Variants in NXPH1 observed in about 807,000 individuals in gnomAD.
The protein encoded by NXPH1 is neurexophilin 1, also known as neurexophilin-1.
Under a neutral mutation model 23.7 loss-of-function variants are expected in NXPH1, and 5 were observed. The observed-to-expected ratio is 0.21, with a 90% CI of 0.11 to 0.44. The LOEUF is 0.44. Ranked by LOEUF, NXPH1 falls within the 20% of genes least tolerant of loss-of-function variation. The probability of loss-of-function intolerance (pLI) is 0.99; values close to 1 mark genes in which losing one functional copy is unlikely to be tolerated. For missense variants in NXPH1, 324 were observed against 321.6 expected (o/e 1.01, Z -0.06); for synonymous variants, 144 against 122.2 (o/e 1.18, Z -1.18).
intron 2 of NXPH1, among the ~76,000 whole-genome samples, chr7:8,445,938 A>C (rs993188829): frequency 2.6e-5 from 4 of 152,230 alleles, no homozygotes; most frequent in Non-Finnish European, 5.9e-5. Flanking sequence ...AATTTTAGTC[A>C]TGCGCACTCC....
At chr7:8,656,621 T>C (rs948672702) in intron 2 of NXPH1, among the ~76,000 whole-genome samples, 17 of 151,800 alleles carry the variant, frequency 1.1e-4, no homozygotes, top group African/African-American at 9.7e-5. Context: ...TATACATGTG[T>C]CATGCTGGTG....
At chr7:8,661,842 A>G (rs2115162329) in intron 2 of NXPH1, among the ~76,000 whole-genome samples, 1 of 152,180 alleles carries the variant, frequency 6.6e-6, no homozygotes, top group African/African-American at 2.4e-5. Flanking sequence ...TATGTTTCCA[A>G]ATAATGAATT....
rs533286719 is a variant in NXPH1, at chr7:8,673,372, T to C, written c.55-77636T>C. Among the ~76,000 whole-genome samples the C allele has an allele frequency of 1.1e-4, 17 of 152,312 alleles. 1 individual carries two copies. Among genetic ancestry groups the C allele is most frequent in the African/African-American group, 3.8e-4 (16 of 41,592 alleles). On this transcript the variant is annotated intron_variant, in intron 2 of 2. Coordinates refer to ENST00000405863, the MANE Select transcript of NXPH1 (RefSeq NM_152745.3). ...TTCTCAGATATAAGTTGAGGATGGA[T>C]ACCTCTGGTAATTTTCCCAAATTAG...
intron 2 of NXPH1, among the ~76,000 whole-genome samples, chr7:8,487,164 A>C (rs1817172664): frequency 6.6e-6 from 1 of 152,028 alleles, no homozygotes; most frequent in South Asian, 2.1e-4. Context: ...TTTCTCCTCA[A>C]TATGTTATCA....
Position 8,527,025 on chromosome 7 carries a change from T to C in NXPH1, c.54+91258T>C, listed in dbSNP as rs139177624. On this transcript the variant is annotated intron_variant, in intron 2 of 2. Transcript: ENST00000405863. ...TCACCAGAAATTCTCCTATAGTAAT[T>C]TCCCAGCAGAATTTGCCCCTTACCA... Among the ~76,000 whole-genome samples the C allele has an allele frequency of 4.2e-3, 617 of 145,360 alleles. 4 individuals carry two copies. Among genetic ancestry groups the C allele is most frequent in the African/African-American group, 0.015 (583 of 39,122 alleles).
At chr7:8,646,409 T>C (rs1820400817) in intron 2 of NXPH1, among the ~76,000 whole-genome samples, 1 of 152,164 alleles carries the variant, frequency 6.6e-6, no homozygotes, top group Non-Finnish European at 1.5e-5. Context: ...AATTTGTACG[T>C]AATGACAATA....
At chr7:8,720,889 C>T (rs1437231687) in intron 2 of NXPH1, among the ~76,000 whole-genome samples, 1 of 152,088 alleles carries the variant, frequency 6.6e-6, no homozygotes, top group African/African-American at 2.4e-5. Context: ...AACTGAGGGA[C>T]ATTTTACCGA....
intron 2 of NXPH1, among the ~76,000 whole-genome samples, chr7:8,526,738 G>T (rs979777130): frequency 6.6e-6 from 1 of 152,114 alleles, no homozygotes; most frequent in African/African-American, 2.4e-5. Flanking sequence ...CTCGAAAGAA[G>T]TGCCTTTTAC....
intron 2 of NXPH1, among the ~76,000 whole-genome samples, chr7:8,554,195 T>C (rs543532363): frequency 6.6e-6 from 1 of 151,752 alleles, no homozygotes; most frequent in Non-Finnish European, 1.5e-5. Context: ...ACTATGCCAA[T>C]GTTAGATACT....
intron 2 of NXPH1, among the ~76,000 whole-genome samples, chr7:8,635,839 T>G (rs1453507834): frequency 1.3e-5 from 2 of 152,196 alleles, no homozygotes; most frequent in African/African-American, 2.4e-5. Flanking sequence ...ATATATACAC[T>G]TGGATAGTTT....
At chr7:8,726,969 C>G (rs1168947885) in intron 2 of NXPH1, among the ~76,000 whole-genome samples, 1 of 148,418 alleles carries the variant, frequency 6.7e-6, no homozygotes, top group Non-Finnish European at 1.5e-5. Flanking sequence ...AAAAGTGTTC[C>G]TATTTCTCCA....
intron 2 of NXPH1, among the ~76,000 whole-genome samples, chr7:8,726,918 T>C (rs1385870805): frequency 6.6e-6 from 1 of 151,700 alleles, no homozygotes; most frequent in Non-Finnish European, 1.5e-5. Context: ...CACACTGACT[T>C]CCACAATGGT....
chr7:8,476,713 AAT>A (rs1481118265), intron 2 of NXPH1, among the ~76,000 whole-genome samples: 2 of 152,160 alleles, frequency 1.3e-5, no homozygotes, highest in Non-Finnish European at 2.9e-5. Flanking sequence ...AGATAAAAAA[AAT>A]AAAAACTGTA....
chr7:8,531,213 T>G (rs1341358281), intron 2 of NXPH1, among the ~76,000 whole-genome samples: 1 of 152,134 alleles, frequency 6.6e-6, no homozygotes, highest in East Asian at 1.9e-4. Context: ...CCTCCATAAC[T>G]ATGAGCTATT....
intron 2 of NXPH1, among the ~76,000 whole-genome samples, chr7:8,695,869 T>G (rs963566704): frequency 6.6e-6 from 1 of 152,230 alleles, no homozygotes; most frequent in Non-Finnish European, 1.5e-5. Context: ...TTCTCAGCTG[T>G]GCCCCAGTGA....
chr7:8,730,384 T>C (rs1338348464), intron 2 of NXPH1, among the ~76,000 whole-genome samples: 3 of 150,468 alleles, frequency 2.0e-5, no homozygotes, highest in Admixed American at 2.0e-4. Flanking sequence ...CCTGTCATTA[T>C]GATGTTAGCT....
intron 2 of NXPH1, among the ~76,000 whole-genome samples, chr7:8,733,245 A>G (rs578176265): frequency 2.6e-5 from 4 of 152,318 alleles, no homozygotes; most frequent in African/African-American, 4.8e-5. Flanking sequence ...TCCATGGTGT[A>G]TATGTGTCAC....
chr7:8,459,969 T>G (rs1317264600), intron 2 of NXPH1, among the ~76,000 whole-genome samples: 1 of 152,086 alleles, frequency 6.6e-6, no homozygotes, highest in Non-Finnish European at 1.5e-5. Context: ...ACCCCAAAGG[T>G]TTAATTGAAT....
chr7:8,653,261 T>G (rs531838525), intron 2 of NXPH1, among the ~76,000 whole-genome samples: 6 of 152,160 alleles, frequency 3.9e-5, no homozygotes, highest in Admixed American at 3.9e-4. Context: ...ATAAACACAG[T>G]TTAGTATATA....
Sources: allele counts gnomAD v4.1 joint callset (sites outside exome capture counted in the v4.1 genomes callset), GRCh38; gene constraint gnomAD v4.1.1; transcripts MANE v1.5; gene names NCBI Gene and HGNC (gene_info 2026-07-23, HGNC 2026-07-21).